RYR3: variants seen among roughly 807,000 people sequenced by gnomAD.
RYR3 encodes brain ryanodine receptor-calcium release channel.
In RYR3, 207 loss-of-function variants were observed where a neutral mutation model predicts 584.3. The observed-to-expected ratio is 0.35, with a 90% CI of 0.32 to 0.40. The LOEUF is 0.40. Ranked by LOEUF, RYR3 falls within the 10% of genes least tolerant of loss-of-function variation. The pLI is 1.00. For missense variants in RYR3, 5,616 were observed against 6,089.2 expected (o/e 0.92, Z 2.59); for synonymous variants, 2,416 against 2,248.5 (o/e 1.07, Z -2.11).
chr15:33,347,592 A>G (rs562906566), intron 1 of RYR3, among the ~76,000 whole-genome samples: 14 of 151,664 alleles, frequency 9.2e-5, no homozygotes, highest in African/African-American at 3.1e-4. Context: ...GACTACAGGC[A>G]CCCGCCACCA....
rs189946438 is a variant in RYR3 at position 33,708,943 on chromosome 15, C to T, written c.6619+1889C>T. Reference sequence around the variant, plus strand: ...TAGAATGACGGGGTGAGTGCTTCGGCGGGAGTCAGGACAGAGCAGGTAGCA... The same window carrying T: ...TAGAATGACGGGGTGAGTGCTTCGGTGGGAGTCAGGACAGAGCAGGTAGCA... On this transcript the variant is annotated intron_variant, in intron 43 of 103. Transcript: ENST00000634891. 4.7e-4 allele frequency among the ~76,000 whole-genome samples: 67 copies of T among 142,850 alleles called. No individual in the cohort carries two copies. In the East Asian group the frequency reaches 0.011, roughly 22 times the overall value. 93.7% of individuals were successfully genotyped at this position (142,850 alleles called of 152,430 possible). A position where few individuals can be genotyped will look rare whatever the true frequency, so the allele number is the denominator to read the frequency against.
At chr15:33,701,333 C>T (rs531315440) in intron 42 of RYR3, among the ~76,000 whole-genome samples, 35 of 152,140 alleles carry the variant, frequency 2.3e-4, no homozygotes, top group Non-Finnish European at 4.4e-4. Flanking sequence ...AGCCCAGCCT[C>T]GTTGGTCTAC....
chr15:33,551,208 A>G (rs984813923), intron 10 of RYR3, among the ~76,000 whole-genome samples: 11 of 152,242 alleles, frequency 7.2e-5, no homozygotes, highest in African/African-American at 2.7e-4. Flanking sequence ...GGCTCTGCAC[A>G]GATGCTTGCA....
chr15:33,474,105 C>T (rs1434257407), intron 2 of RYR3, among the ~76,000 whole-genome samples: 1 of 152,206 alleles, frequency 6.6e-6, no homozygotes, highest in Admixed American at 6.5e-5. Context: ...CATTTTCAGG[C>T]TGTTTCTGCT....
chr15:33,522,471 C>T (rs180961538), intron 3 of RYR3, among the ~76,000 whole-genome samples: 1 of 152,230 alleles, frequency 6.6e-6, no homozygotes, highest in East Asian at 1.9e-4. Context: ...GGCTCAGGCA[C>T]CTCTGACTCT....
At chr15:33,765,894 A>G (rs1450050548) in intron 60 of RYR3, among the ~76,000 whole-genome samples, 1 of 152,234 alleles carries the variant, frequency 6.6e-6, no homozygotes, top group Non-Finnish European at 1.5e-5. Flanking sequence ...CTGCCTGTGT[A>G]GTATGATCTC....
At chr15:33,491,580 G>A (rs527780533) in intron 2 of RYR3, among the ~76,000 whole-genome samples, 9 of 152,300 alleles carry the variant, frequency 5.9e-5, no homozygotes, top group Non-Finnish European at 1.2e-4. Flanking sequence ...ATGTATTGGA[G>A]ATAACTCTTA....
intron 64 of RYR3, among the ~76,000 whole-genome samples, chr15:33,777,897 C>T (rs559893988): frequency 9.9e-5 from 15 of 152,220 alleles, no homozygotes; most frequent in South Asian, 4.1e-4. Flanking sequence ...AGGCAGGACG[C>T]GGTGGCTCAC....
intron 1 of RYR3, among the ~76,000 whole-genome samples, chr15:33,429,231 T>C (rs2044911514): frequency 6.6e-6 from 1 of 152,182 alleles, no homozygotes; most frequent in African/African-American, 2.4e-5. Context: ...ACTTAGGATT[T>C]TGTCTCCACT....
intron 3 of RYR3, among the ~76,000 whole-genome samples, chr15:33,515,152 C>G (rs996181580): frequency 5.3e-5 from 8 of 152,106 alleles, no homozygotes; most frequent in African/African-American, 1.9e-4. Flanking sequence ...TTGATGGGTA[C>G]AAATAACTGA....
intron 42 of RYR3, among the ~76,000 whole-genome samples, chr15:33,705,843 T>G (rs1467105187): frequency 6.6e-6 from 1 of 152,228 alleles, no homozygotes; most frequent in East Asian, 1.9e-4. Context: ...CTGAATATTG[T>G]AGCCTTGCAA....
chr15:33,467,820 T>A (rs894142616), intron 1 of RYR3, among the ~76,000 whole-genome samples: 1 of 152,222 alleles, frequency 6.6e-6, no homozygotes, highest in African/African-American at 2.4e-5. Flanking sequence ...AGTGTTGCAA[T>A]CATGGGGAAT....
rs539401131 is a variant in RYR3 at position 33,644,111 on chromosome 15, A to G, written c.3557-200A>G. Among the ~76,000 whole-genome samples the G allele has an allele frequency of 5.3e-5, 8 of 152,206 alleles. 1 individual carries two copies. Among genetic ancestry groups the G allele is most frequent in the South Asian group, 2.1e-4 (1 of 4,808 alleles). On this transcript the variant is annotated intron_variant, in intron 27 of 103. Transcript: ENST00000634891. The stretch of plus-strand genomic sequence containing the variant: ...TGAACCAAGCTCTCTTATCTTTCCT[A>G]TGTACCATGGGCAGTGGTGGTCTCC...
At chr15:33,498,314 A>G (rs2142648093) in intron 2 of RYR3, among the ~76,000 whole-genome samples, 1 of 152,316 alleles carries the variant, frequency 6.6e-6, no homozygotes, top group African/African-American at 2.4e-5. Context: ...ACAGTGTATA[A>G]GAGTTTTCTC....
At chr15:33,713,000 G>A (rs1181929052) in intron 43 of RYR3, among the ~76,000 whole-genome samples, 2 of 152,168 alleles carry the variant, frequency 1.3e-5, no homozygotes, top group Non-Finnish European at 2.9e-5. Flanking sequence ...ATCTTTACGA[G>A]AGTGGTAGGG....
At chr15:33,819,872 A>C (rs937805059) in intron 77 of RYR3, 65 bp downstream of exon 77, 1 of 1,306,676 alleles carries the variant, frequency 7.7e-7, no homozygotes. Flanking sequence ...CTTTAGGCGC[A>C]TGAAAATTGT....
At chr15:33,343,675 TC>T (rs1474900975) in intron 1 of RYR3, among the ~76,000 whole-genome samples, 1 of 152,240 alleles carries the variant, frequency 6.6e-6, no homozygotes, top group Admixed American at 6.5e-5. Context: ...TGTCTACACA[TC>T]TTGATCTTTT....
intron 12 of RYR3, among the ~76,000 whole-genome samples, chr15:33,578,768 A>AT: frequency 5.7e-5 from 1 of 17,548 alleles, no homozygotes; most frequent in Non-Finnish European, 1.2e-4. Flanking sequence ...CTTAGAATAA[A>AT]AAAAAAAAAA....
At chr15:33,713,671 C>G (rs1457580392) in intron 43 of RYR3, among the ~76,000 whole-genome samples, 1 of 152,118 alleles carries the variant, frequency 6.6e-6, no homozygotes, top group African/African-American at 2.4e-5. Flanking sequence ...TAACAAAATA[C>G]CATAGACAAG....
Sources: gnomAD v4.1 joint callset for allele counts (sites outside exome capture counted in the v4.1 genomes callset) on GRCh38, gnomAD v4.1.1 for gene constraint, MANE v1.5 for transcripts, NCBI Gene and HGNC (gene_info 2026-07-23, HGNC 2026-07-21) for gene names.